The following SH3RF1 variants were observed in gnomAD, a reference collection of about 807,000 sequenced individuals.
The protein encoded by SH3RF1 is SH3 domain containing ring finger 1, also known as E3 ubiquitin-protein ligase SH3RF1.
Under a neutral mutation model 74.0 loss-of-function variants are expected in SH3RF1, and 32 were observed. That is an observed-to-expected ratio of 0.43 (90% confidence interval 0.33 to 0.58). The LOEUF (loss-of-function observed/expected upper bound fraction) is 0.58. Among genes scored for constraint, SH3RF1 ranks in the 20% least tolerant of loss-of-function variants. SH3RF1 has a pLI of 0.05. For missense variants in SH3RF1, 954 were observed against 1,130.9 expected, an observed-to-expected ratio of 0.84 and a Z score of 2.24; for synonymous variants, 396 against 439.6, an observed-to-expected ratio of 0.90 and a Z score of 1.24.
rs149220793 is a variant in SH3RF1 at position 169,116,527 on chromosome 4, C to T, written c.1881G>A (p.Ser627=). The part of the protein sequence containing the change: ...SPASVGLSHH[S]LASPQPAPLM... ...GAGGCGCAGGTTGTGGGGAGGCCAG[C>T]GAGTGATGGGACAGGCCCACAGATG... The change falls in exon 10 of 12, where the codon TCG becomes TCA. Residue 627 remains serine, a synonymous_variant. Coordinates refer to ENST00000284637, the MANE Select transcript of SH3RF1 (RefSeq NM_020870.4). The T allele has an allele frequency of 3.1e-6, 5 of 1,612,784 alleles. No homozygotes were observed. The highest frequency in any genetic ancestry group is 2.2e-5 in the South Asian group (2 of 90,732).
intron 2 of SH3RF1, among the ~76,000 whole-genome samples, chr4:169,187,810 C>G (rs186392706): frequency 6.6e-5 from 10 of 152,100 alleles, no homozygotes; most frequent in African/African-American, 2.4e-4. Context: ...CATCCCCCTG[C>G]AAATTCATAT....
chr4:169,188,783 T>C (rs1579127353), intron 2 of SH3RF1, among the ~76,000 whole-genome samples: 4 of 152,364 alleles, frequency 2.6e-5, no homozygotes, highest in East Asian at 1.9e-4. Flanking sequence ...AAATAATTTC[T>C]TCCATACTCC....
intron 2 of SH3RF1, among the ~76,000 whole-genome samples, chr4:169,229,704 G>A (rs753853745): frequency 2.8e-4 from 42 of 152,166 alleles, no homozygotes; most frequent in Admixed American, 9.8e-4. Context: ...TTACTCATGA[G>A]TAAGCCCCAC....
intron 2 of SH3RF1, among the ~76,000 whole-genome samples, chr4:169,264,182 C>T (rs1254060748): frequency 6.6e-6 from 1 of 152,178 alleles, no homozygotes; most frequent in Non-Finnish European, 1.5e-5. Context: ...GTTCTGGAGG[C>T]TGGAAGTCCA....
intron 2 of SH3RF1, among the ~76,000 whole-genome samples, chr4:169,249,816 A>C (rs6855826): frequency 0.029 from 4,360 of 152,262 alleles, 210 homozygotes; most frequent in African/African-American, 0.1. Context: ...GTGACTTATA[A>C]AGAGAGATTT....
chr4:169,116,379 C>T lies in SH3RF1; in HGVS notation c.2029G>A (p.Glu677Lys), dbSNP rs762293008. ...PSITSASLEAEPSGRIVTVLP... is the reference protein window; with the variant it reads ...PSITSASLEAKPSGRIVTVLP... ...ACGGTCACTATCCGGCCACTGGGCT[C>T]AGCCTCCAGAGAAGCACTGGTGATG... is the stretch of plus-strand genomic sequence containing the variant. Residue 677 changes from glutamate to lysine, a missense_variant, in exon 10 of 12, where the codon GAG (glutamate) becomes AAG (lysine). Physicochemically the swap from Glu to Lys is moderately conservative, Grantham distance 56. Coordinates refer to ENST00000284637, the MANE Select transcript of SH3RF1 (RefSeq NM_020870.4). 2 of 1,614,224 alleles carry T rather than the reference C, an allele frequency of 1.2e-6. No individual in the cohort carries two copies.
At chr4:169,193,190 C>T (rs973576160) in intron 2 of SH3RF1, among the ~76,000 whole-genome samples, 1 of 152,054 alleles carries the variant, frequency 6.6e-6, no homozygotes, top group African/African-American at 2.4e-5. Context: ...TCAGTGCATA[C>T]TGCCCAAGTG....
At chr4:169,252,021 G>A (rs1448809169) in intron 2 of SH3RF1, among the ~76,000 whole-genome samples, 2 of 152,194 alleles carry the variant, frequency 1.3e-5, no homozygotes, top group Non-Finnish European at 2.9e-5. Context: ...GATAGGTGGT[G>A]TGCCTACAAG....
At chr4:169,131,130 G>A (rs1733612641) in intron 5 of SH3RF1, among the ~76,000 whole-genome samples, 1 of 152,178 alleles carries the variant, frequency 6.6e-6, no homozygotes. Flanking sequence ...AGTTCCCAGA[G>A]GACCTAATGG....
intron 5 of SH3RF1, among the ~76,000 whole-genome samples, chr4:169,131,140 G>C (rs182499589): frequency 2.3e-4 from 35 of 152,318 alleles, no homozygotes; most frequent in Middle Eastern, 3.4e-3. Flanking sequence ...GGACCTAATG[G>C]AAACTTTCAG....
chr4:169,109,708 A>G (rs1375212373), intron 10 of SH3RF1, among the ~76,000 whole-genome samples: 1 of 152,162 alleles, frequency 6.6e-6, no homozygotes, highest in Non-Finnish European at 1.5e-5. Context: ...AACTAAATGA[A>G]TTAATAAAGA....
At chr4:169,136,128 T>C (rs1194612494) in intron 5 of SH3RF1, among the ~76,000 whole-genome samples, 190 bp downstream of exon 5, 1 of 152,250 alleles carries the variant, frequency 6.6e-6, no homozygotes, top group African/African-American at 2.4e-5. Context: ...TCTGGGTTGA[T>C]ACACTCAAGT....
Position 169,156,694 on chromosome 4 carries a change from G to A in SH3RF1, c.394-15C>T, listed in dbSNP as rs781512629. The stretch of plus-strand genomic sequence containing the variant: ...TGAGGTATACCCTTTAAAAAAAAAA[G>A]AGGGATGAATTTTAATAAAATAATG... On this transcript the variant is annotated splice_polypyrimidine_tract_variant and intron_variant, in intron 2 of 11. Coordinates refer to ENST00000284637, the MANE Select transcript of SH3RF1 (RefSeq NM_020870.4). The A allele has an allele frequency of 2.6e-6, 4 of 1,533,184 alleles. No homozygotes were observed. The highest frequency in any genetic ancestry group is 3.5e-6 in the Non-Finnish European group (4 of 1,135,274). The allele number at this position is 1,533,184 out of a possible 1,614,324, so 95.0% of individuals were successfully genotyped here.
chr4:169,145,669 C>T (rs961306363), intron 4 of SH3RF1, among the ~76,000 whole-genome samples: 4 of 138,796 alleles, frequency 2.9e-5, no homozygotes, highest in African/African-American at 1.0e-4. Flanking sequence ...AGGCTGGTCT[C>T]GAACTCCTGA....
chr4:169,247,395 G>C (rs759024445), intron 2 of SH3RF1, among the ~76,000 whole-genome samples: 10 of 152,206 alleles, frequency 6.6e-5, no homozygotes, highest in Non-Finnish European at 1.3e-4. Flanking sequence ...GTCCAGGGGA[G>C]AGTGATGAAC....
At chr4:169,167,907 T>C (rs192933432) in intron 2 of SH3RF1, among the ~76,000 whole-genome samples, 3 of 152,162 alleles carry the variant, frequency 2.0e-5, no homozygotes, top group Non-Finnish European at 2.9e-5. Context: ...AAGGCCAAGG[T>C]GGTAGGATAT....
intron 2 of SH3RF1, among the ~76,000 whole-genome samples, chr4:169,240,154 A>G (rs750448247): frequency 6.6e-5 from 10 of 152,294 alleles, no homozygotes; most frequent in Non-Finnish European, 1.3e-4. Context: ...AAGTCAATTA[A>G]AACTTCTCAA....
At chr4:169,106,086 A>ATG (rs374628496) in intron 11 of SH3RF1, among the ~76,000 whole-genome samples, 2 of 151,326 alleles carry the variant, frequency 1.3e-5, no homozygotes, top group East Asian at 1.9e-4. Context: ...AACAGTATAT[A>ATG]TGTGTGTGTG....
rs1439484810 is a variant in SH3RF1 at position 169,156,576 on chromosome 4, T to G, written c.497A>C (p.Gln166Pro). The G allele has an allele frequency of 1.2e-6, 2 of 1,614,140 alleles. No homozygotes were observed. The highest frequency in any genetic ancestry group is 1.7e-6 in the Non-Finnish European group (2 of 1,179,992). ...CCCATGGTACCAATTTTCATCCACT[T>G]GTCTTCGCAAAATGATGATGTCACC... Reference protein sequence around the residue: ...SKGDIIILRRQVDENWYHGEV... With the variant: ...SKGDIIILRRPVDENWYHGEV... The change falls in exon 3 of 12, where the codon CAA (glutamine) becomes CCA (proline). Residue 166 changes from glutamine to proline, a missense_variant. By Grantham distance (76) the Gln-to-Pro change is moderately conservative. Around this residue, in one of 3 missense-constraint regions of SH3RF1, gnomAD observed 854 missense variants for 962.5 expected, o/e 0.89. Transcript: ENST00000284637.
Sources: allele counts gnomAD v4.1 joint callset (sites outside exome capture counted in the v4.1 genomes callset), GRCh38; gene constraint gnomAD v4.1.1; regional missense constraint gnomAD v4.1.1; transcripts MANE v1.5; gene names NCBI Gene and HGNC (gene_info 2026-07-23, HGNC 2026-07-21).